RAB27A: variants seen among roughly 807,000 people sequenced by gnomAD.
RAB27A encodes the protein RAB27A, member RAS oncogene family, also known as ras-related protein Rab-27A.
In RAB27A, 17 loss-of-function variants were observed where a neutral mutation model predicts 20.8. That is an observed-to-expected ratio of 0.82 (90% confidence interval 0.56 to 1.23). The LOEUF is 1.23. Among genes scored for constraint, RAB27A ranks in the 50% most tolerant of loss-of-function variants. RAB27A has a pLI of 0.00. For missense variants in RAB27A, 277 were observed against 266.7 expected, an observed-to-expected ratio of 1.04 and a Z score of -0.27; for synonymous variants, 85 against 92.8, an observed-to-expected ratio of 0.92 and a Z score of 0.48.
At chr15:55,276,100 C>T (rs1897867751) in intron 1 of RAB27A, among the ~76,000 whole-genome samples, 1 of 151,908 alleles carries the variant, frequency 6.6e-6, no homozygotes, top group Non-Finnish European at 1.5e-5. Context: ...TTTGGCAATC[C>T]TACTTCTGGG....
intron 2 of RAB27A, 47 bp from the exon 3 acceptor site, chr15:55,235,003 A>C (rs1156695234): frequency 1.6e-5 from 23 of 1,399,972 alleles, no homozygotes; most frequent in Non-Finnish European, 1.6e-5. Flanking sequence ...ATTAGAAAAC[A>C]TTAATTATCC....
At chr15:55,221,633 AAAC>A (rs1279993543) in intron 6 of RAB27A, among the ~76,000 whole-genome samples, 2 of 152,186 alleles carry the variant, frequency 1.3e-5, no homozygotes, top group Non-Finnish European at 2.9e-5. Flanking sequence ...TGGCTAGGCT[AAAC>A]AACATTTCCC....
intron 1 of RAB27A, among the ~76,000 whole-genome samples, chr15:55,316,197 T>C (rs1390601339): frequency 7.0e-6 from 1 of 142,936 alleles, no homozygotes; most frequent in Non-Finnish European, 1.5e-5. Flanking sequence ...ATTGCGCCAC[T>C]GCGCTCCAGC....
At position 55,309,875 on chromosome 15, in the gene RAB27A, T is replaced by C. The variant is rs547919738; in HGVS notation, c.-112+4164A>G. ...TTTTACTAGGCCTTGGGCTTTTAGG[T>C]CCTTAACAATTTTTTGGAGTCCTTG... On this transcript the variant is annotated intron_variant, in intron 2 of 5. Transcript: ENST00000563262. Among the ~76,000 whole-genome samples the C allele has an allele frequency of 1.4e-4, 22 of 152,198 alleles. No individual in the cohort carries two copies. In the South Asian group the frequency reaches 4.6e-3, roughly 32 times the overall value.
In RAB27A at chr15:55,234,973, A is replaced by G; in HGVS notation, c.-22-17T>C. The G allele has an allele frequency of 6.4e-7, 1 of 1,565,794 alleles. No individual in the cohort carries two copies. The highest frequency in any genetic ancestry group is 8.7e-7 in the Non-Finnish European group (1 of 1,148,918). Reference sequence around the variant, plus strand: ...GTAGTTCACCTGTAAAATACACACAAAATTTTTTAATTAAAATCCATTAGA... The same window carrying G: ...GTAGTTCACCTGTAAAATACACACAGAATTTTTTAATTAAAATCCATTAGA... On this transcript the variant is annotated splice_polypyrimidine_tract_variant and intron_variant, in intron 2 of 6. Transcript: ENST00000336787.
chr15:55,293,328 C>T (rs1395397588), upstream of RAB27A, among the ~76,000 whole-genome samples: 1 of 151,362 alleles, frequency 6.6e-6, no homozygotes, highest in Non-Finnish European at 1.5e-5. Flanking sequence ...TCTTAATATC[C>T]CTTTCCAACA....
At chr15:55,319,008 G>A in exon 1 of RAB27A, 1 of 484,144 alleles carries the variant, frequency 2.1e-6, no homozygotes, top group Non-Finnish European at 3.7e-6. Flanking sequence ...GGGCCTTCCA[G>A]CAGTTTTCGG....
intron 2 of RAB27A, among the ~76,000 whole-genome samples, chr15:55,254,686 C>T (rs936915826): frequency 6.6e-6 from 1 of 152,112 alleles, no homozygotes. Context: ...GAGACAGAAA[C>T]TCACAAAAGA....
chr15:55,266,275 T>A (rs1321193441), intron 2 of RAB27A, among the ~76,000 whole-genome samples: 1 of 152,214 alleles, frequency 6.6e-6, no homozygotes, highest in Non-Finnish European at 1.5e-5. Context: ...CACCAAAATC[T>A]GAGCATGCTG....
intron 2 of RAB27A, among the ~76,000 whole-genome samples, chr15:55,267,941 C>T (rs1044170455): frequency 5.3e-5 from 8 of 152,054 alleles, no homozygotes; most frequent in African/African-American, 1.9e-4. Context: ...AGCAGAAGCA[C>T]CAAGAAAGAA....
chr15:55,223,597 T>C (rs1340834900), intron 6 of RAB27A, among the ~76,000 whole-genome samples: 1 of 152,128 alleles, frequency 6.6e-6, no homozygotes, highest in Non-Finnish European at 1.5e-5. Context: ...ATTTGCATCT[T>C]GGAAAGAAGG....
intron 2 of RAB27A, among the ~76,000 whole-genome samples, chr15:55,309,847 C>T (rs369632309): frequency 2.0e-5 from 3 of 152,038 alleles, no homozygotes; most frequent in East Asian, 1.9e-4. Flanking sequence ...GGCTACTGCA[C>T]GGTTTTACTA....
intron 2 of RAB27A, among the ~76,000 whole-genome samples, chr15:55,306,892 C>T (rs747827024): frequency 2.0e-5 from 3 of 152,064 alleles, no homozygotes; most frequent in Admixed American, 2.0e-4. Flanking sequence ...TGGGGATTTA[C>T]GATTTTAGTT....
chr15:55,263,319 C>G (rs1199645351), intron 2 of RAB27A, among the ~76,000 whole-genome samples: 2 of 151,912 alleles, frequency 1.3e-5, no homozygotes, highest in East Asian at 3.9e-4. Flanking sequence ...GTGACCTTAC[C>G]CAAAACCAGT....
intron 6 of RAB27A, among the ~76,000 whole-genome samples, chr15:55,223,638 C>T (rs1009773860): frequency 6.6e-6 from 1 of 152,174 alleles, no homozygotes; most frequent in African/African-American, 2.4e-5. Context: ...TCTGAGACAA[C>T]TCAAAGTTGT....
chr15:55,299,305 G>C (rs545913876), intron 2 of RAB27A, among the ~76,000 whole-genome samples: 1 of 152,108 alleles, frequency 6.6e-6, no homozygotes, highest in Non-Finnish European at 1.5e-5. Flanking sequence ...CTGACTTCCC[G>C]CAACAGGGCC....
At chr15:55,211,328 A>C (rs1057160637) in intron 6 of RAB27A, among the ~76,000 whole-genome samples, 4 of 152,144 alleles carry the variant, frequency 2.6e-5, no homozygotes, top group Admixed American at 1.3e-4. Flanking sequence ...GCATTGAGTC[A>C]GTAAATTGCT....
chr15:55,235,987 A>G (rs1367355471), intron 2 of RAB27A, among the ~76,000 whole-genome samples: 1 of 152,158 alleles, frequency 6.6e-6, no homozygotes, highest in Non-Finnish European at 1.5e-5. Context: ...TAAGAATGAT[A>G]CAATGGACTT....
intron 2 of RAB27A, among the ~76,000 whole-genome samples, chr15:55,304,658 A>AT: frequency 6.6e-6 from 1 of 152,092 alleles, no homozygotes; most frequent in East Asian, 1.9e-4. Context: ...ATGTATTCTA[A>AT]TTTTTTCCAT....
Sources: allele counts gnomAD v4.1 joint callset (sites outside exome capture counted in the v4.1 genomes callset), GRCh38; gene constraint gnomAD v4.1.1; transcripts MANE v1.5; gene names NCBI Gene and HGNC (gene_info 2026-07-23, HGNC 2026-07-21).